The following CNPY1 variants were observed in gnomAD, a reference collection of about 807,000 sequenced individuals.
CNPY1 encodes the protein protein canopy homolog 1.
A neutral mutation model predicts 14.4 loss-of-function variants in CNPY1; 14 were observed. The observed-to-expected ratio is 0.97, with a 90% CI of 0.64 to 1.52. The LOEUF (loss-of-function observed/expected upper bound fraction) is 1.52, where lower values mean the gene tolerates loss of function less well. CNPY1 is among the 40% of genes most tolerant of loss of function. CNPY1 has a pLI of 0.00. For synonymous variants in CNPY1, 43 were observed against 46.5 expected, an observed-to-expected ratio of 0.92 and a Z score of 0.31; for missense variants, 129 against 131.5, an observed-to-expected ratio of 0.98 and a Z score of 0.09.
At chr7:155,532,493 C>T (rs1330538891) in intron 2 of CNPY1, among the ~76,000 whole-genome samples, 4 of 151,918 alleles carry the variant, frequency 2.6e-5, no homozygotes, top group South Asian at 2.1e-4. Flanking sequence ...CGGTGGTGGG[C>T]GCCTGTAGTC....
intron 2 of CNPY1, among the ~76,000 whole-genome samples, chr7:155,509,698 G>A (rs1285380674): frequency 6.6e-6 from 1 of 152,160 alleles, no homozygotes. Flanking sequence ...GTGGACGTGG[G>A]GCTGGGAGAG....
At chr7:155,529,504 G>C (rs190230294) in intron 2 of CNPY1, among the ~76,000 whole-genome samples, 1 of 152,332 alleles carries the variant, frequency 6.6e-6, no homozygotes, top group East Asian at 1.9e-4. Flanking sequence ...GCTCAGGCAA[G>C]GGTCCTTCCT....
chr7:155,507,687 G>A (rs1352877930), intron 3 of CNPY1, among the ~76,000 whole-genome samples: 1 of 151,944 alleles, frequency 6.6e-6, no homozygotes, highest in Non-Finnish European at 1.5e-5. Flanking sequence ...GCTGTTTAGA[G>A]ATCCATCCAA....
intron 2 of CNPY1, among the ~76,000 whole-genome samples, chr7:155,521,545 C>G (rs533740550): frequency 2.0e-5 from 3 of 152,238 alleles, no homozygotes; most frequent in Non-Finnish European, 1.5e-5. Flanking sequence ...TGGTCTGGGC[C>G]TGAAATCGCC....
intron 2 of CNPY1, among the ~76,000 whole-genome samples, chr7:155,539,782 C>T (rs1317451671): frequency 6.6e-6 from 1 of 152,164 alleles, no homozygotes; most frequent in Non-Finnish European, 1.5e-5. Flanking sequence ...GACTTAAATA[C>T]CCTTTTCATG....
intron 4 of CNPY1, among the ~76,000 whole-genome samples, chr7:155,504,623 T>C (rs1796233133): frequency 6.6e-6 from 1 of 151,896 alleles, no homozygotes; most frequent in African/African-American, 2.4e-5. Context: ...TTTAACAGCA[T>C]AGAGCGTTGC....
At chr7:155,517,187 C>T (rs772574226) in intron 2 of CNPY1, among the ~76,000 whole-genome samples, 24 of 152,134 alleles carry the variant, frequency 1.6e-4, no homozygotes, top group Non-Finnish European at 3.1e-4. Flanking sequence ...AAGATCAGAT[C>T]GGGTCATTGA....
chr7:155,526,796 GAGA>G (rs532873336), intron 2 of CNPY1, among the ~76,000 whole-genome samples: 246 of 152,306 alleles, frequency 1.6e-3, no homozygotes, highest in African/African-American at 5.6e-3. Context: ...GCAGCCTGCA[GAGA>G]AGCAGTCCAA....
At position 155,507,471 on chromosome 7, in the gene CNPY1, T is replaced by TAAAAAAAAAAAA. The variant is rs35711313; in HGVS notation, c.304-367_304-356dup. ...CTGAAAAGTCCAACGGTTTTTAAACTAAAAAAAAAAAAAAAAAAAAAAAAA... is the reference window on the plus strand; with the variant it reads ...CTGAAAAGTCCAACGGTTTTTAAACTAAAAAAAAAAAAAAAAAAAAAAAAAAAAAAAAAAAAA... On this transcript the variant is annotated intron_variant, in intron 3 of 4. Coordinates refer to ENST00000636446, the MANE Select transcript of CNPY1 (RefSeq NM_001393663.1). Among the ~76,000 whole-genome samples, 101 of 54,140 alleles carry TAAAAAAAAAAAA rather than the reference T, an allele frequency of 1.9e-3. 16 individuals carry two copies. Among genetic ancestry groups the TAAAAAAAAAAAA allele is most frequent in the African/African-American group, 9.0e-3 (91 of 10,104 alleles). The allele number at this position is 54,140 out of a possible 152,430, so 35.5% of individuals were successfully genotyped here.
intron 2 of CNPY1, among the ~76,000 whole-genome samples, chr7:155,516,047 C>T (rs1210539565): frequency 2.0e-5 from 3 of 152,062 alleles, no homozygotes; most frequent in Non-Finnish European, 2.9e-5. Context: ...CAGATTAAAG[C>T]ATGACATGCA....
intron 2 of CNPY1, among the ~76,000 whole-genome samples, chr7:155,530,063 T>C (rs1796909800): frequency 6.6e-6 from 1 of 152,108 alleles, no homozygotes; most frequent in Non-Finnish European, 1.5e-5. Flanking sequence ...ATTATAGGCA[T>C]GAGCCACTGC....
At chr7:155,505,569 T>G (rs1215627898) in intron 4 of CNPY1, among the ~76,000 whole-genome samples, 2 of 152,212 alleles carry the variant, frequency 1.3e-5, no homozygotes, top group Admixed American at 6.5e-5. Context: ...TCGGGGTGAC[T>G]ACTGCTGGGA....
At chr7:155,527,434 C>CTT (rs11364914) in intron 2 of CNPY1, among the ~76,000 whole-genome samples, 3,089 of 56,962 alleles carry the variant, frequency 0.054, 217 homozygotes, top group Middle Eastern at 0.11. Flanking sequence ...TAATTAATTT[C>CTT]TTTTTTTTTT....
intron 2 of CNPY1, among the ~76,000 whole-genome samples, chr7:155,537,681 T>C (rs1797039541): frequency 6.6e-6 from 1 of 152,106 alleles, no homozygotes; most frequent in African/African-American, 2.4e-5. Flanking sequence ...CGTCTTGGCC[T>C]CCCAAAGTGC....
At position 155,501,213 on chromosome 7, in the gene CNPY1, T is replaced by C. The variant is rs1796096291; in HGVS notation, c.*1855A>G. On this transcript the variant is annotated 3_prime_UTR_variant, in exon 5 of 5. Transcript: ENST00000636446. ...ATTTATCACAACCTTAGATAGTCAC[T>C]GTAAGTCAAGGTTCCTCGCCCTCTC... 1 of 152,216 alleles carries C rather than the reference T, an allele frequency of 6.6e-6. No individual in the cohort carries two copies. Among genetic ancestry groups the C allele is most frequent in the Non-Finnish European group, 1.5e-5 (1 of 68,038 alleles). The allele number at this position is 152,216 out of a possible 1,614,324, so 9.4% of individuals were successfully genotyped here.
rs1292294629 is a variant in CNPY1, at chr7:155,502,471, C to A, written c.*597G>T. ...AATTATTGTTTACTATAAATTAAAG[C>A]ATTCATTAGTTTTTACACATTCCAC... On this transcript the variant is annotated 3_prime_UTR_variant, in exon 5 of 5. Transcript: ENST00000636446. 1 of 152,192 alleles carries A rather than the reference C, an allele frequency of 6.6e-6. No homozygotes were observed. Among genetic ancestry groups the A allele is most frequent in the Non-Finnish European group, 1.5e-5 (1 of 68,064 alleles). The allele number at this position is 152,192 out of a possible 1,614,324, so 9.4% of individuals were successfully genotyped here.
chr7:155,523,898 G>C (rs957221319), intron 2 of CNPY1, among the ~76,000 whole-genome samples: 1 of 152,190 alleles, frequency 6.6e-6, no homozygotes, highest in Non-Finnish European at 1.5e-5. Context: ...CAGACCACAC[G>C]GGGGAGAAAG....
At chr7:155,541,812 T>C (rs2116759408) in intron 2 of CNPY1, among the ~76,000 whole-genome samples, 1 of 152,290 alleles carries the variant, frequency 6.6e-6, no homozygotes, top group African/African-American at 2.4e-5. Flanking sequence ...CGCACCAGCC[T>C]CTATAACCAT....
At chr7:155,505,453 A>G (rs913979597) in intron 4 of CNPY1, among the ~76,000 whole-genome samples, 3 of 152,226 alleles carry the variant, frequency 2.0e-5, no homozygotes, top group Non-Finnish European at 4.4e-5. Flanking sequence ...GTTAAGTTTT[A>G]TTCCAATTAT....
Sources: gnomAD v4.1 joint callset for allele counts (sites outside exome capture counted in the v4.1 genomes callset) on GRCh38, gnomAD v4.1.1 for gene constraint, MANE v1.5 for transcripts, NCBI Gene and HGNC (gene_info 2026-07-23, HGNC 2026-07-21) for gene names.